Variants in DAB1 observed in about 807,000 individuals in gnomAD.
The protein encoded by DAB1 is disabled homolog 1.
Under a neutral mutation model 64.6 loss-of-function variants are expected in DAB1, and 15 were observed. That is an observed-to-expected ratio of 0.23 (90% confidence interval 0.16 to 0.36). The LOEUF (loss-of-function observed/expected upper bound fraction) is 0.36, where lower values mean the gene tolerates loss of function less well. DAB1 is among the 10% of genes least tolerant of loss of function. The pLI is 1.00. For synonymous variants in DAB1, 235 were observed against 251.9 expected (o/e 0.93, Z 0.64); for missense variants, 596 against 706.7 (o/e 0.84, Z 1.78).
chr1:58,484,964 C>T (rs1377186373), intron 3 of DAB1, among the ~76,000 whole-genome samples: 1 of 151,908 alleles, frequency 6.6e-6, no homozygotes, highest in Non-Finnish European at 1.5e-5. Flanking sequence ...CTGCATGATG[C>T]TATAATGGTG....
At chr1:57,535,608 A>G (rs1644717641) in intron 7 of DAB1, among the ~76,000 whole-genome samples, 1 of 151,856 alleles carries the variant, frequency 6.6e-6, no homozygotes, top group South Asian at 2.1e-4. Flanking sequence ...GATTACAGGC[A>G]CGCGCCACCA....
chr1:58,210,422 T>C (rs1658498024), intron 4 of DAB1, among the ~76,000 whole-genome samples: 1 of 152,338 alleles, frequency 6.6e-6, no homozygotes, highest in Non-Finnish European at 1.5e-5. Flanking sequence ...GCTCTCAGTA[T>C]GTCATGAGAA....
chr1:57,407,598 A>G (rs1434991286), intron 1 of DAB1, among the ~76,000 whole-genome samples: 5 of 152,176 alleles, frequency 3.3e-5, no homozygotes, highest in Non-Finnish European at 7.3e-5. Context: ...AAACAACCCT[A>G]TAAGAACTTA....
intron 3 of DAB1, among the ~76,000 whole-genome samples, chr1:58,434,401 C>T (rs1355629720): frequency 8.7e-6 from 1 of 114,474 alleles, no homozygotes; most frequent in Non-Finnish European, 1.7e-5. Context: ...GGATGTAGGA[C>T]ATGAGAAAAA....
intron 7 of DAB1, 100 bp from the exon 8 acceptor site, chr1:57,069,525 C>T (rs3738556): frequency 6.3e-6 from 6 of 955,576 alleles, no homozygotes; most frequent in South Asian, 4.0e-5. Flanking sequence ...CGAGCATTAA[C>T]GAAGCAGGCA....
At chr1:58,139,249 G>A (rs1654141779) in intron 5 of DAB1, among the ~76,000 whole-genome samples, 1 of 152,094 alleles carries the variant, frequency 6.6e-6, no homozygotes, top group Admixed American at 6.6e-5. Flanking sequence ...TGGCCAATGT[G>A]ATCAAAATAC....
Position 57,750,052 on chromosome 1 carries a change from G to T in DAB1, n.552-100387C>A, listed in dbSNP as rs182619646. On this transcript the variant is annotated intron_variant and non_coding_transcript_variant, in intron 6 of 20. Coordinates refer to the DAB1 transcript ENST00000485760. ...GAAAATAAGGATGGAATGTCTCATT[G>T]GTGCACTGAGCAAGCCCTGTGCTGC... is the stretch of plus-strand genomic sequence containing the variant. Among the ~76,000 whole-genome samples the T allele has an allele frequency of 1.4e-3, 212 of 152,180 alleles. 1 individual carries two copies. The highest frequency in any genetic ancestry group is 4.9e-3 in the African/African-American group (202 of 41,510).
At chr1:57,221,094 G>T (rs920106660) in intron 2 of DAB1, among the ~76,000 whole-genome samples, 1 of 152,174 alleles carries the variant, frequency 6.6e-6, no homozygotes, top group African/African-American at 2.4e-5. Flanking sequence ...CATGTCCTTT[G>T]TAGAGACATG....
At chr1:58,028,526 C>G (rs1271024111) in intron 5 of DAB1, among the ~76,000 whole-genome samples, 1 of 152,088 alleles carries the variant, frequency 6.6e-6, no homozygotes, top group Admixed American at 6.6e-5. Context: ...AAATTACCAA[C>G]AAAAATCACA....
chr1:57,906,150 C>T (rs916565519), intron 5 of DAB1, among the ~76,000 whole-genome samples: 6 of 152,160 alleles, frequency 3.9e-5, no homozygotes, highest in African/African-American at 1.4e-4. Flanking sequence ...GCCATTCCTG[C>T]TTCCTGGAAT....
chr1:57,184,097 C>A lies in DAB1; in HGVS notation c.68-38668G>T, dbSNP rs542542559. ...CGACTTTTCCAAAAAGAATTAAGAGCCCATTATATGAATAGAGGTAAAGGG... is the reference window on the plus strand; with the variant it reads ...CGACTTTTCCAAAAAGAATTAAGAGACCATTATATGAATAGAGGTAAAGGG... On this transcript the variant is annotated intron_variant, in intron 2 of 14. Coordinates refer to ENST00000371236, the MANE Select transcript of DAB1 (RefSeq NM_001365792.1). 2.6e-5 allele frequency among the ~76,000 whole-genome samples: 4 copies of A among 152,220 alleles called. No individual in the cohort carries two copies. The East Asian group carries it at 7.7e-4, about 29-fold the overall frequency.
intron 2 of DAB1, among the ~76,000 whole-genome samples, chr1:58,514,130 A>G (rs1216937205): frequency 6.6e-6 from 1 of 152,200 alleles, no homozygotes; most frequent in Non-Finnish European, 1.5e-5. Flanking sequence ...GGTAATTGCA[A>G]AATGCTATGT....
chr1:57,457,352 C>T (rs1482516309), intron 7 of DAB1, among the ~76,000 whole-genome samples: 1 of 152,118 alleles, frequency 6.6e-6, no homozygotes, highest in Admixed American at 6.6e-5. Flanking sequence ...AAGAGCCATT[C>T]ACATATTACA....
intron 4 of DAB1, among the ~76,000 whole-genome samples, chr1:57,110,084 T>C (rs948050075): frequency 1.3e-5 from 2 of 152,190 alleles, no homozygotes; most frequent in East Asian, 1.9e-4. Context: ...TTTATGTTAA[T>C]GGGCTATAAG....
At chr1:57,409,610 A>G (rs1231704054) in intron 1 of DAB1, among the ~76,000 whole-genome samples, 1 of 152,164 alleles carries the variant, frequency 6.6e-6, no homozygotes, top group Non-Finnish European at 1.5e-5. Flanking sequence ...GGAATTCGAG[A>G]CCAGCCTGGC....
chr1:57,206,959 C>T (rs1437170388), intron 2 of DAB1, among the ~76,000 whole-genome samples: 3 of 131,154 alleles, frequency 2.3e-5, no homozygotes, highest in Non-Finnish European at 4.8e-5. Flanking sequence ...CTCTTTCTTT[C>T]CTTCCTTCCT....
chr1:58,324,819 A>C (rs1179459856), intron 4 of DAB1, among the ~76,000 whole-genome samples: 1 of 152,194 alleles, frequency 6.6e-6, no homozygotes, highest in East Asian at 1.9e-4. Flanking sequence ...GAGTCTCATC[A>C]GAATATATCC....
chr1:57,364,898 C>G (rs956444939), intron 1 of DAB1, among the ~76,000 whole-genome samples: 1 of 148,554 alleles, frequency 6.7e-6, no homozygotes, highest in African/African-American at 2.5e-5. Context: ...AAGGAAATAA[C>G]ACAAAATTCA....
intron 2 of DAB1, among the ~76,000 whole-genome samples, chr1:57,260,033 T>C (rs987190589): frequency 6.6e-6 from 1 of 152,076 alleles, no homozygotes; most frequent in African/African-American, 2.4e-5. Flanking sequence ...AACCCCACAA[T>C]ATAAACATCA....
Sources: allele counts gnomAD v4.1 joint callset (sites outside exome capture counted in the v4.1 genomes callset), GRCh38; gene constraint gnomAD v4.1.1; transcripts MANE v1.5; gene names NCBI Gene and HGNC (gene_info 2026-07-23, HGNC 2026-07-21).